The following TAF15 variants were observed in gnomAD, a reference collection of about 807,000 sequenced individuals.
The protein encoded by TAF15 is TATA-binding protein-associated factor 2N.
TAF15 carries 37 observed loss-of-function variants against 102.5 expected under a neutral mutation model. The observed-to-expected ratio is 0.36, with a 90% CI of 0.28 to 0.47. The LOEUF is 0.47. Ranked by LOEUF, TAF15 falls within the 20% of genes least tolerant of loss-of-function variation. The pLI is 0.99. For synonymous variants in TAF15, 273 were observed against 259.2 expected (o/e 1.05, Z -0.51); for missense variants, 652 against 760.7 (o/e 0.86, Z 1.68).
At chr17:35,841,336 G>A (rs16971570) in intron 11 of TAF15, among the ~76,000 whole-genome samples, 16,000 of 152,092 alleles carry the variant, frequency 0.11, 1,407 homozygotes, top group African/African-American at 0.24. Flanking sequence ...CTGCACTTGC[G>A]CACGTATTCA....
intron 5 of TAF15, among the ~76,000 whole-genome samples, chr17:35,821,416 G>T (rs1200904701): frequency 6.6e-6 from 1 of 152,160 alleles, no homozygotes. Flanking sequence ...TATAAATATA[G>T]TCTGAAAAGA....
Position 35,828,778 on chromosome 17 carries a change from A to T in TAF15, c.605+4580A>T, listed in dbSNP as rs201745750. Among the ~76,000 whole-genome samples, 6 of 86,364 alleles carry T rather than the reference A, an allele frequency of 6.9e-5. No homozygotes were observed. In the East Asian group the frequency reaches 1.4e-3, roughly 20 times the overall value. The allele number at this position is 86,364 out of a possible 152,430, so 56.7% of individuals were successfully genotyped here. On this transcript the variant is annotated intron_variant, in intron 7 of 15. Transcript: ENST00000605844. ...CCGCCCCATACCTCTTCAAATGTTT[A>T]AAAAAAAAAAAAAAAAAGTACTGTA...
chr17:35,822,936 T>A (rs938431142), intron 6 of TAF15, 103 bp downstream of exon 6: 103 of 1,402,346 alleles, frequency 7.3e-5, no homozygotes, highest in Non-Finnish European at 1.0e-4. Context: ...TTTGTAAAAA[T>A]TTAGGGTAAC....
chr17:35,815,677 A>G (rs533091110), intron 1 of TAF15, among the ~76,000 whole-genome samples: 45 of 152,340 alleles, frequency 3.0e-4, no homozygotes, highest in African/African-American at 9.1e-4. Flanking sequence ...AGCTTCATGC[A>G]TCCACAAATA....
At chr17:35,835,574 T>C (rs1014519547) in intron 9 of TAF15, among the ~76,000 whole-genome samples, 11 of 152,264 alleles carry the variant, frequency 7.2e-5, no homozygotes, top group Admixed American at 2.6e-4. Context: ...TGAATTCTTA[T>C]ACATCTTTCT....
At chr17:35,823,618 TGGCG>T (rs2087290362) in intron 6 of TAF15, 1 of 176,014 alleles carries the variant, frequency 5.7e-6, no homozygotes, top group African/African-American at 2.6e-5. Flanking sequence ...GGCAGGAGAA[TGGCG>T]TGAACCTGGG....
rs1036813653 is a variant in TAF15 at position 35,809,501 on chromosome 17, C to G, written c.-69C>G. ...CCGCCCTCAGTACAGCTCCGGCCGC[C>G]GCGCCGCCTGGCTTTCGTATTCGTT... On this transcript the variant is annotated 5_prime_UTR_variant, in exon 1 of 16. Coordinates refer to ENST00000605844, the MANE Select transcript of TAF15 (RefSeq NM_139215.3). The G allele has an allele frequency of 1.4e-5, 22 of 1,608,540 alleles. No individual in the cohort carries two copies. Among genetic ancestry groups the G allele is most frequent in the Non-Finnish European group, 1.8e-5 (21 of 1,178,598 alleles).
intron 7 of TAF15, among the ~76,000 whole-genome samples, chr17:35,830,725 C>T (rs2087394395): frequency 6.6e-6 from 1 of 152,134 alleles, no homozygotes. Flanking sequence ...TAGATCAATG[C>T]CTAAACCAAA....
intron 7 of TAF15, 38 bp downstream of exon 7, chr17:35,824,236 T>C (rs769068256): frequency 3.9e-5 from 62 of 1,591,728 alleles, no homozygotes; most frequent in Middle Eastern, 1.7e-4. Context: ...TTTCTTCTTC[T>C]TCCTCTTTTT....
intron 10 of TAF15, among the ~76,000 whole-genome samples, chr17:35,836,772 T>G (rs2087479909): frequency 6.6e-6 from 1 of 152,082 alleles, no homozygotes; most frequent in Non-Finnish European, 1.5e-5. Flanking sequence ...TTTTGGTGTC[T>G]GTGGAATTAC....
chr17:35,833,643 G>A, intron 7 of TAF15: 1 of 421,196 alleles, frequency 2.4e-6, no homozygotes, highest in South Asian at 3.6e-5. Context: ...GTATCCCTTT[G>A]GCTTGGGGTT....
In TAF15 at chr17:35,844,722, C is replaced by A. The variant is rs543739946; in HGVS notation, c.1423C>A (p.Arg475=). 18 of 1,595,314 alleles carry A rather than the reference C, an allele frequency of 1.1e-5. No individual in the cohort carries two copies. The highest frequency in any genetic ancestry group is 4.5e-5 in the East Asian group (2 of 44,322). ...CAGAGGAGGCGGCTATGGAGGAGAC[C>A]GAGGAGGTGGCTATGGAGGAGATCG... ...GDRGGGYGGD[R]GGGYGGDRGG... The change falls in exon 15 of 16, where the codon CGA becomes AGA. Residue 475 remains arginine, a synonymous_variant. Transcript: ENST00000605844.
chr17:35,841,811 C>T (rs1183453016), intron 11 of TAF15, among the ~76,000 whole-genome samples: 1 of 152,092 alleles, frequency 6.6e-6, no homozygotes, highest in East Asian at 1.9e-4. Context: ...AATCCTCCTG[C>T]CTCAGCCTTC....
chr17:35,843,935 T>C, intron 12 of TAF15, 142 bp from the exon 13 acceptor site: 1 of 810,964 alleles, frequency 1.2e-6, no homozygotes, highest in Non-Finnish European at 2.2e-6. Context: ...AATCAAAGAA[T>C]TACAAAGTCC....
intron 9 of TAF15, 134 bp downstream of exon 9, chr17:35,834,732 C>CTTTTTTTTTTTTT: frequency 2.9e-6 from 1 of 345,706 alleles, no homozygotes; most frequent in Non-Finnish European, 4.7e-6. Flanking sequence ...AACTGGGGAG[C>CTTTTTTTTTTTTT]TTTATTTCTT....
chr17:35,817,490 G>C (rs2087208939), intron 1 of TAF15, among the ~76,000 whole-genome samples: 1 of 152,130 alleles, frequency 6.6e-6, no homozygotes. Context: ...CTGGGTTCTT[G>C]TGACCCTAGC....
At chr17:35,843,158 T>C (rs572472495) in intron 12 of TAF15, among the ~76,000 whole-genome samples, 2 of 149,916 alleles carry the variant, frequency 1.3e-5, no homozygotes, top group African/African-American at 4.9e-5. Flanking sequence ...AGTTTCGCTC[T>C]TGTTGCCCAG....
At chr17:35,840,861 G>C (rs1040158934) in intron 11 of TAF15, among the ~76,000 whole-genome samples, 2 of 149,648 alleles carry the variant, frequency 1.3e-5, no homozygotes, top group African/African-American at 4.9e-5. Flanking sequence ...GCAAGACTCC[G>C]TCAAAAAAAA....
chr17:35,844,548 G>A lies in TAF15; in HGVS notation c.1249G>A (p.Gly417Ser), dbSNP rs554593706. The A allele has an allele frequency of 3.4e-5, 54 of 1,609,544 alleles. 2 individuals carry two copies. The South Asian group carries it at 4.4e-4, about 13-fold the overall frequency. Residue 417 changes from glycine to serine, a missense_variant, in exon 15 of 16, where the codon GGC (glycine) becomes AGC (serine). Gly to Ser is a moderately conservative substitution (Grantham distance 56). Coordinates refer to ENST00000605844, the MANE Select transcript of TAF15 (RefSeq NM_139215.3). The stretch of plus-strand genomic sequence containing the variant: ...TGGGGGCAGAGGTGGAGACCGAGGC[G>A]GCTATGGTGGAGACAGAAGTGGGGG... ...GRGGRGGDRG[G>S]YGGDRSGGGY...
Sources: allele counts gnomAD v4.1 joint callset (sites outside exome capture counted in the v4.1 genomes callset), GRCh38; gene constraint gnomAD v4.1.1; transcripts MANE v1.5; gene names NCBI Gene and HGNC (gene_info 2026-07-23, HGNC 2026-07-21).